The following SLMAP variants were observed in gnomAD, a reference collection of about 807,000 sequenced individuals.
SLMAP encodes the protein sarcolemmal membrane-associated protein.
Under a neutral mutation model 128.8 loss-of-function variants are expected in SLMAP, and 44 were observed. The observed-to-expected ratio is 0.34, with a 90% CI of 0.27 to 0.44. The LOEUF is 0.44. Among genes scored for constraint, SLMAP ranks in the 20% least tolerant of loss-of-function variants. SLMAP has a pLI of 1.00. For missense variants in SLMAP, 787 were observed against 985.3 expected, an observed-to-expected ratio of 0.80 and a Z score of 2.69; for synonymous variants, 327 against 348.8, an observed-to-expected ratio of 0.94 and a Z score of 0.70.
intron 13 of SLMAP, 124 bp downstream of exon 13, chr3:57,865,416 C>A: frequency 2.3e-6 from 1 of 437,320 alleles, no homozygotes; most frequent in Non-Finnish European, 4.0e-6. Context: ...ATCATTGAAC[C>A]CCATCATTTA....
intron 3 of SLMAP, among the ~76,000 whole-genome samples, chr3:57,834,968 A>G (rs1466301650): frequency 6.6e-6 from 1 of 150,882 alleles, no homozygotes; most frequent in African/African-American, 2.4e-5. Flanking sequence ...CCAAAAATGC[A>G]AGAATCAGCT....
At chr3:57,927,168 T>G (rs1243554406) in intron 24 of SLMAP, 128 bp from the exon 25 acceptor site, 3 of 477,978 alleles carry the variant, frequency 6.3e-6, no homozygotes, top group Non-Finnish European at 1.1e-5. Flanking sequence ...AACTTTATAT[T>G]TATGATGCAG....
rs2094584824 is a variant in SLMAP, at chr3:57,853,635, T to C, written c.519+3819T>C. On this transcript the variant is annotated intron_variant, in intron 6 of 24. Coordinates refer to ENST00000671191, the MANE Select transcript of SLMAP (RefSeq NM_001377540.1). Reference sequence around the variant, plus strand: ...AAAGTTTAGACTTTGTACACCAATGTCTTTCTCTGTAAAATATATCTTTGG... The same window carrying C: ...AAAGTTTAGACTTTGTACACCAATGCCTTTCTCTGTAAAATATATCTTTGG... 2.6e-5 allele frequency among the ~76,000 whole-genome samples: 4 copies of C among 152,050 alleles called. No individual in the cohort carries two copies. In the South Asian group the frequency reaches 6.2e-4, roughly 24 times the overall value.
Position 57,896,558 on chromosome 3 carries a change from C to T in SLMAP, c.1408C>T (p.Pro470Ser). 1 of 1,609,726 alleles carries T rather than the reference C, an allele frequency of 6.2e-7. No homozygotes were observed. The highest frequency in any genetic ancestry group is 8.5e-7 in the Non-Finnish European group (1 of 1,178,456). The change falls in exon 16 of 25, where the codon CCA (proline) becomes TCA (serine). Residue 470 changes from proline to serine, a missense_variant. By Grantham distance (74) the Pro-to-Ser change is moderately conservative. Transcript: ENST00000671191. ...KESDFSDTLS[P>S]SKEKSSDDTT... The stretch of plus-strand genomic sequence containing the variant: ...ATCTGATTTTTCAGATACTCTGAGT[C>T]CAAGCAAGGAAAAAAGCAGTGACGA...
At chr3:57,858,728 AG>A in intron 8 of SLMAP, among the ~76,000 whole-genome samples, 1 of 152,122 alleles carries the variant, frequency 6.6e-6, no homozygotes, top group Non-Finnish European at 1.5e-5. Flanking sequence ...GAATCACCTG[AG>A]CTCGAGAGTT....
At chr3:57,843,775 C>CTTTTTTTTTTTTTTTTTTTTTTT (rs775541858) in intron 4 of SLMAP, among the ~76,000 whole-genome samples, 19 of 77,128 alleles carry the variant, frequency 2.5e-4, no homozygotes, top group South Asian at 5.6e-4. Context: ...TCTTTTCTTT[C>CTTTTTTTTTTTTTTTTTTTTTTT]TTTTTTTTTT....
intron 2 of SLMAP, among the ~76,000 whole-genome samples, chr3:57,764,479 G>A (rs2079268317): frequency 6.8e-6 from 1 of 147,994 alleles, no homozygotes; most frequent in South Asian, 2.1e-4. Context: ...TCCAACATGG[G>A]CAACAGAGGG....
At chr3:57,807,442 G>A (rs1241745767) in intron 2 of SLMAP, among the ~76,000 whole-genome samples, 4 of 152,172 alleles carry the variant, frequency 2.6e-5, no homozygotes, top group Admixed American at 6.5e-5. Flanking sequence ...GTCCTGAATA[G>A]CTCTTATTTT....
intron 2 of SLMAP, among the ~76,000 whole-genome samples, chr3:57,791,407 G>A (rs2153475709): frequency 6.6e-6 from 1 of 152,068 alleles, no homozygotes. Context: ...GTAGCTCTGA[G>A]CCTTTGTACT....
intron 14 of SLMAP, among the ~76,000 whole-genome samples, chr3:57,877,698 CTTAAGTACATGCCA>C (rs1194742301): frequency 2.0e-5 from 3 of 152,062 alleles, no homozygotes; most frequent in Non-Finnish European, 4.4e-5. Flanking sequence ...AGGTGACAAT[CTTAAGTACATGCCA>C]GTGGTGTTTT....
At chr3:57,882,653 A>C (rs1279713127) in intron 14 of SLMAP, among the ~76,000 whole-genome samples, 1 of 152,216 alleles carries the variant, frequency 6.6e-6, no homozygotes, top group Non-Finnish European at 1.5e-5. Context: ...GTTCTCATAA[A>C]ACTTTATTTG....
chr3:57,799,369 T>A (rs1323559577), intron 2 of SLMAP, among the ~76,000 whole-genome samples: 2 of 152,158 alleles, frequency 1.3e-5, no homozygotes, highest in Admixed American at 1.3e-4. Flanking sequence ...AGGGACTGGA[T>A]TTTATTTTAG....
chr3:57,869,661 A>ATATATATATATATTT (rs1560338623), intron 13 of SLMAP, among the ~76,000 whole-genome samples: 1 of 62,122 alleles, frequency 1.6e-5, no homozygotes, highest in African/African-American at 5.6e-5. Context: ...TATATATATA[A>ATATATATATATATTT]TATATATAAA....
rs760264345 is a variant in SLMAP, at chr3:57,757,693, G to A, written c.42G>A (p.Ser14=). The change falls in exon 2 of 25, where the codon TCG becomes TCA. Residue 14 remains serine, a synonymous_variant. Transcript: ENST00000671191. The part of the protein sequence containing the change: ...ALAIFTCRPN[S]HPFQERHVYL... ...CCATCTTCACTTGCCGCCCGAACTC[G>A]CACCCGTTTCAGGAGCGTCATGTCT... The A allele has an allele frequency of 6.2e-7, 1 of 1,614,070 alleles. No homozygotes were observed. Among genetic ancestry groups the A allele is most frequent in the Admixed American group, 1.7e-5 (1 of 60,004 alleles).
chr3:57,853,770 C>T (rs1023983422), intron 6 of SLMAP, among the ~76,000 whole-genome samples: 4 of 150,154 alleles, frequency 2.7e-5, no homozygotes, highest in Admixed American at 6.6e-5. Flanking sequence ...GAGAAACCCC[C>T]GTCTCTACTA....
intron 6 of SLMAP, among the ~76,000 whole-genome samples, chr3:57,856,283 C>T (rs1355051023): frequency 6.6e-6 from 1 of 152,094 alleles, no homozygotes; most frequent in Admixed American, 6.6e-5. Context: ...CTTGCTGTAA[C>T]TTTTTTACTT....
intron 17 of SLMAP, chr3:57,899,889 GTC>G (rs1559491896): frequency 6.6e-6 from 1 of 152,074 alleles, no homozygotes; most frequent in East Asian, 1.9e-4. Flanking sequence ...GCCCTTTATG[GTC>G]ATTATTATTT....
At position 57,869,630 on chromosome 3, in the gene SLMAP, T is replaced by TTATATATATATATATATATA. The variant is rs55916379; in HGVS notation, c.1238-1995_1238-1976dup. Among the ~76,000 whole-genome samples the TTATATATATATATATATATA allele has an allele frequency of 5.7e-3, 431 of 75,260 alleles. 3 individuals carry two copies. Among genetic ancestry groups the TTATATATATATATATATATA allele is most frequent in the Middle Eastern group, 0.016 (2 of 122 alleles). The allele number at this position is 75,260 out of a possible 152,430, so 49.4% of individuals were successfully genotyped here. On this transcript the variant is annotated intron_variant, in intron 13 of 24. Coordinates refer to ENST00000671191, the MANE Select transcript of SLMAP (RefSeq NM_001377540.1). ...ACAACATAGCAAGATCCCATCTCTA[T>TTATATATATATATATATATA]TATATATATATATATATATATATAT...
chr3:57,879,911 C>T (rs548104986), intron 14 of SLMAP, among the ~76,000 whole-genome samples: 5 of 151,290 alleles, frequency 3.3e-5, no homozygotes, highest in African/African-American at 1.2e-4. Flanking sequence ...GATCATGCCA[C>T]TGCACTCCAG....
Sources: gnomAD v4.1 joint callset for allele counts (sites outside exome capture counted in the v4.1 genomes callset) on GRCh38, gnomAD v4.1.1 for gene constraint, MANE v1.5 for transcripts, NCBI Gene and HGNC (gene_info 2026-07-23, HGNC 2026-07-21) for gene names.